Variants in LRRTM4 observed in about 807,000 individuals in gnomAD.
LRRTM4 encodes the protein leucine rich repeat transmembrane neuronal 4, also known as leucine-rich repeat transmembrane neuronal protein 4.
Under a neutral mutation model 47.6 loss-of-function variants are expected in LRRTM4, and 25 were observed. The ratio of observed to expected loss-of-function variants is 0.53; its 90% confidence interval spans 0.38 to 0.73. LRRTM4 has a LOEUF of 0.73. LRRTM4 is among the 30% of genes least tolerant of loss of function. The pLI, the probability that LRRTM4 is intolerant of heterozygous loss-of-function variation, is 0.00. For synonymous variants in LRRTM4, 311 were observed against 269.5 expected (o/e 1.15, Z -1.51); for missense variants, 638 against 713.4 (o/e 0.89, Z 1.20).
At chr2:77,426,981 C>CTT (rs1370837107) in intron 3 of LRRTM4, among the ~76,000 whole-genome samples, 23 of 135,732 alleles carry the variant, frequency 1.7e-4, no homozygotes, top group African/African-American at 3.5e-4. Flanking sequence ...CTGTGCCTGG[C>CTT]TTTTTTTTTT....
chr2:77,385,306 G>T (rs1558718675), intron 3 of LRRTM4, among the ~76,000 whole-genome samples: 1 of 151,990 alleles, frequency 6.6e-6, no homozygotes, highest in Non-Finnish European at 1.5e-5. Flanking sequence ...TGTCCTTAGG[G>T]CTCAGCCAAC....
chr2:77,285,166 T>C (rs549971390), intron 3 of LRRTM4, among the ~76,000 whole-genome samples: 2 of 151,874 alleles, frequency 1.3e-5, no homozygotes, highest in South Asian at 4.2e-4. Context: ...TCTTTCATTT[T>C]CTTGCAATAG....
rs187478822 is a variant in LRRTM4, at chr2:77,105,165, A to T, written c.1552-356249T>A. 1.0e-3 allele frequency among the ~76,000 whole-genome samples: 157 copies of T among 152,334 alleles called. 2 individuals are homozygous for T. The highest frequency in any genetic ancestry group is 3.4e-3 in the Middle Eastern group (1 of 294). ...ATATGTGAATATTATTTGGATGCTG[A>T]GTATAACAACAACAAAAAACACCAA... On this transcript the variant is annotated intron_variant, in intron 3 of 3. Coordinates refer to ENST00000409884, the MANE Select transcript of LRRTM4 (RefSeq NM_001134745.3).
chr2:77,291,549 A>G (rs1676822252), intron 3 of LRRTM4, among the ~76,000 whole-genome samples: 1 of 152,152 alleles, frequency 6.6e-6, no homozygotes, highest in Non-Finnish European at 1.5e-5. Flanking sequence ...TGAAGGTAAT[A>G]TAACAGCATT....
intron 3 of LRRTM4, among the ~76,000 whole-genome samples, chr2:76,968,083 A>G (rs539709987): frequency 2.0e-5 from 3 of 151,464 alleles, no homozygotes; most frequent in East Asian, 3.9e-4. Context: ...TCATTATTCA[A>G]TTATATCGCA....
At chr2:76,905,576 G>C (rs1032180242) in intron 3 of LRRTM4, among the ~76,000 whole-genome samples, 6 of 151,646 alleles carry the variant, frequency 4.0e-5, no homozygotes, top group Non-Finnish European at 2.9e-5. Context: ...TCAAACCAAA[G>C]GCAAAGAAGT....
chr2:77,492,080 A>G (rs558588240), intron 3 of LRRTM4, among the ~76,000 whole-genome samples: 1 of 152,250 alleles, frequency 6.6e-6, no homozygotes, highest in East Asian at 1.9e-4. Context: ...TTATATGTAA[A>G]TATATTTTAT....
chr2:76,924,702 T>C (rs1314581943), intron 3 of LRRTM4, among the ~76,000 whole-genome samples: 6 of 151,956 alleles, frequency 3.9e-5, no homozygotes, highest in Admixed American at 3.9e-4. Context: ...TGAGAAACAC[T>C]AGCTGAATGC....
At position 77,390,053 on chromosome 2, in the gene LRRTM4, T is replaced by C. The variant is rs144051619; in HGVS notation, c.1551+128265A>G. Among the ~76,000 whole-genome samples, 868 of 152,236 alleles carry C rather than the reference T, an allele frequency of 5.7e-3. 6 individuals are homozygous for C. Among genetic ancestry groups the C allele is most frequent in the Admixed American group, 0.015 (227 of 15,260 alleles). On this transcript the variant is annotated intron_variant, in intron 3 of 3. Transcript: ENST00000409884. ...TTCAGGACATGTACTAAAGAACATA[T>C]GGCCACCTTGTCACTCAGAATCTTA...
At chr2:76,800,970 C>A (rs1675641797) in intron 3 of LRRTM4, among the ~76,000 whole-genome samples, 1 of 149,946 alleles carries the variant, frequency 6.7e-6, no homozygotes, top group South Asian at 2.1e-4. Flanking sequence ...GAGATACCAT[C>A]TCACACCAGT....
intron 3 of LRRTM4, among the ~76,000 whole-genome samples, chr2:77,016,801 A>G (rs1166405587): frequency 9.9e-5 from 15 of 152,186 alleles, no homozygotes; most frequent in African/African-American, 2.4e-5. Flanking sequence ...TGCCTTGTTC[A>G]ACATTTGCCG....
chr2:77,251,116 T>A (rs2028350), intron 3 of LRRTM4, among the ~76,000 whole-genome samples: 81,130 of 147,680 alleles, frequency 0.55, 22,700 homozygotes, highest in African/African-American at 0.6. Flanking sequence ...AGAAAAAAAA[T>A]ATATATACAC....
At chr2:76,795,741 T>C (rs1316996804) in intron 3 of LRRTM4, among the ~76,000 whole-genome samples, 1 of 152,128 alleles carries the variant, frequency 6.6e-6, no homozygotes, top group Admixed American at 6.5e-5. Flanking sequence ...ATACTCATTT[T>C]ATGAGGCCAA....
intron 3 of LRRTM4, among the ~76,000 whole-genome samples, chr2:77,377,486 T>A (rs1353482791): frequency 6.6e-6 from 1 of 151,964 alleles, no homozygotes; most frequent in Non-Finnish European, 1.5e-5. Context: ...TTCTTACATC[T>A]TTTACCTTAT....
intron 3 of LRRTM4, among the ~76,000 whole-genome samples, chr2:76,892,845 T>C (rs906098468): frequency 1.3e-5 from 2 of 151,680 alleles, no homozygotes; most frequent in African/African-American, 4.8e-5. Flanking sequence ...CTAGTGCTCC[T>C]CAAAAATTTA....
At chr2:77,334,646 G>C (rs1671095082) in intron 3 of LRRTM4, among the ~76,000 whole-genome samples, 2 of 152,080 alleles carry the variant, frequency 1.3e-5, no homozygotes, top group African/African-American at 4.8e-5. Flanking sequence ...CTGTTTTTTG[G>C]TAAATTGCCC....
At chr2:77,073,350 TCTTA>T (rs777129738) in intron 3 of LRRTM4, among the ~76,000 whole-genome samples, 113 of 152,230 alleles carry the variant, frequency 7.4e-4, no homozygotes, top group African/African-American at 1.6e-3. Flanking sequence ...ATCCAATTCT[TCTTA>T]CTTAGTGTAA....
intron 3 of LRRTM4, among the ~76,000 whole-genome samples, chr2:76,840,016 C>A (rs1671625797): frequency 6.6e-6 from 1 of 152,016 alleles, no homozygotes; most frequent in South Asian, 2.1e-4. Context: ...ATAAGGCAGA[C>A]CCCCTGCTGC....
At chr2:77,369,981 A>C (rs1672602500) in intron 3 of LRRTM4, among the ~76,000 whole-genome samples, 1 of 151,802 alleles carries the variant, frequency 6.6e-6, no homozygotes, top group African/African-American at 2.4e-5. Context: ...CTCTCTCTAA[A>C]TATCTTAATC....
Sources: allele counts gnomAD v4.1 joint callset (sites outside exome capture counted in the v4.1 genomes callset), GRCh38; gene constraint gnomAD v4.1.1; transcripts MANE v1.5; gene names NCBI Gene and HGNC (gene_info 2026-07-23, HGNC 2026-07-21).